The following AGBL4 variants were observed in gnomAD, a reference collection of about 807,000 sequenced individuals.
The protein encoded by AGBL4 is AGBL carboxypeptidase 4.
AGBL4 carries 58 observed loss-of-function variants against 66.4 expected under a neutral mutation model. The observed-to-expected ratio is 0.87, with a 90% confidence interval of 0.71 to 1.09. AGBL4 has a LOEUF of 1.09. AGBL4 is among the 50% of genes least tolerant of loss of function. The pLI is 0.00. For missense variants in AGBL4, 579 were observed against 631.0 expected, an observed-to-expected ratio of 0.92 and a Z score of 0.88; for synonymous variants, 234 against 222.9, an observed-to-expected ratio of 1.05 and a Z score of -0.44.
intron 3 of AGBL4, among the ~76,000 whole-genome samples, chr1:49,402,471 GT>G (rs1309860962): frequency 6.6e-6 from 1 of 151,690 alleles, no homozygotes; most frequent in Non-Finnish European, 1.5e-5. Context: ...ATTTCAATGT[GT>G]TTGTGTATTT....
intron 2 of AGBL4, among the ~76,000 whole-genome samples, chr1:49,749,147 C>A (rs777538383): frequency 6.6e-6 from 1 of 152,052 alleles, no homozygotes; most frequent in Non-Finnish European, 1.5e-5. Flanking sequence ...TTAGGTCTTA[C>A]GTTTAAGTCT....
chr1:49,215,854 C>A (rs901001726), intron 4 of AGBL4, among the ~76,000 whole-genome samples: 1 of 152,060 alleles, frequency 6.6e-6, no homozygotes, highest in Admixed American at 6.6e-5. Context: ...TCCTCCCATT[C>A]CAGAAGTGTT....
intron 3 of AGBL4, among the ~76,000 whole-genome samples, chr1:49,266,857 T>C (rs1005279873): frequency 8.5e-5 from 13 of 152,196 alleles, no homozygotes; most frequent in Non-Finnish European, 1.8e-4. Context: ...GAAAGCAATA[T>C]GAAGGGCCTA....
intron 3 of AGBL4, among the ~76,000 whole-genome samples, chr1:49,640,440 A>T (rs1046487677): frequency 1.5e-4 from 23 of 152,164 alleles, no homozygotes; most frequent in African/African-American, 4.8e-4. Context: ...AGGGTGTGAG[A>T]TCTTCAGATC....
At chr1:49,539,316 T>C (rs1651833010) in intron 3 of AGBL4, among the ~76,000 whole-genome samples, 1 of 152,224 alleles carries the variant, frequency 6.6e-6, no homozygotes, top group East Asian at 1.9e-4. Context: ...GTATTTCTGA[T>C]TTTTTCTACA....
In AGBL4 at chr1:49,199,481, C is replaced by T. The variant is rs577263286; in HGVS notation, c.377+46289G>A. On this transcript the variant is annotated intron_variant, in intron 4 of 13. Coordinates refer to ENST00000371839, the MANE Select transcript of AGBL4 (RefSeq NM_032785.4). ...TGGCTGTCCTCTTAAACAGAAAAAC[C>T]GTGTACGGCATCTGTATGTGCCTTT... 2.0e-5 allele frequency among the ~76,000 whole-genome samples: 3 copies of T among 152,226 alleles called. No individual in the cohort carries two copies. The East Asian group carries it at 5.8e-4, about 29-fold the overall frequency.
chr1:48,812,473 T>C (rs1346357850), intron 6 of AGBL4, among the ~76,000 whole-genome samples: 1 of 152,178 alleles, frequency 6.6e-6, no homozygotes, highest in Non-Finnish European at 1.5e-5. Flanking sequence ...TCTTAATTTA[T>C]TTATTCATCA....
intron 10 of AGBL4, among the ~76,000 whole-genome samples, chr1:48,587,584 G>A (rs1419762165): frequency 5.3e-5 from 8 of 151,710 alleles, no homozygotes; most frequent in Admixed American, 4.6e-4. Context: ...GCAACATAGT[G>A]AGACCATGTC....
At chr1:49,894,484 G>C (rs903189088) in intron 1 of AGBL4, among the ~76,000 whole-genome samples, 3 of 152,124 alleles carry the variant, frequency 2.0e-5, no homozygotes, top group African/African-American at 7.2e-5. Flanking sequence ...GAAAATAGCT[G>C]TTTTAAGGAA....
intron 3 of AGBL4, among the ~76,000 whole-genome samples, chr1:49,492,167 G>C (rs1273533497): frequency 6.6e-6 from 1 of 151,774 alleles, no homozygotes; most frequent in African/African-American, 2.4e-5. Flanking sequence ...GGCTATTATT[G>C]ACCTTCTGAT....
At chr1:49,820,816 G>A (rs766324492) in intron 2 of AGBL4, among the ~76,000 whole-genome samples, 7 of 152,184 alleles carry the variant, frequency 4.6e-5, no homozygotes, top group South Asian at 2.1e-4. Flanking sequence ...TTTGAGGTCC[G>A]GTAGGCCTGG....
At chr1:49,940,980 C>T (rs1297395363) in intron 1 of AGBL4, among the ~76,000 whole-genome samples, 1 of 151,726 alleles carries the variant, frequency 6.6e-6, no homozygotes, top group East Asian at 1.9e-4. Flanking sequence ...AATGAAAGAG[C>T]AGACATTACA....
intron 5 of AGBL4, among the ~76,000 whole-genome samples, chr1:48,949,238 G>A (rs1260935505): frequency 3.3e-5 from 5 of 152,196 alleles, no homozygotes; most frequent in African/African-American, 1.2e-4. Context: ...CCTCTGCATA[G>A]GTAGAGGGGT....
chr1:49,138,096 C>T lies in AGBL4; in HGVS notation c.378-92296G>A, dbSNP rs186586762. Among the ~76,000 whole-genome samples the T allele has an allele frequency of 1.5e-4, 23 of 152,180 alleles. No homozygotes were observed. The East Asian group carries it at 3.9e-3, about 26-fold the overall frequency. On this transcript the variant is annotated intron_variant, in intron 4 of 13. Coordinates refer to ENST00000371839, the MANE Select transcript of AGBL4 (RefSeq NM_032785.4). ...CTGGGAAACAATCAAGTAGTTTGAG[C>T]TTAGCTTATATGGGAGAGTATGGGA...
intron 4 of AGBL4, among the ~76,000 whole-genome samples, chr1:49,075,160 T>A (rs1051449879): frequency 6.6e-6 from 1 of 152,192 alleles, no homozygotes; most frequent in Non-Finnish European, 1.5e-5. Flanking sequence ...TGTCTGTAGT[T>A]CTTCTAGGTC....
intron 6 of AGBL4, among the ~76,000 whole-genome samples, chr1:48,823,322 A>C (rs1247207877): frequency 6.6e-6 from 1 of 152,172 alleles, no homozygotes; most frequent in Non-Finnish European, 1.5e-5. Flanking sequence ...CCAAATAATT[A>C]ACCAACATCC....
At chr1:48,932,912 A>C (rs565834693) in intron 5 of AGBL4, among the ~76,000 whole-genome samples, 25 of 151,300 alleles carry the variant, frequency 1.7e-4, no homozygotes, top group Admixed American at 9.9e-4. Context: ...AACAGGTAAA[A>C]ACACACACAC....
At chr1:49,161,172 G>A (rs900795939) in intron 4 of AGBL4, among the ~76,000 whole-genome samples, 11 of 152,268 alleles carry the variant, frequency 7.2e-5, no homozygotes, top group Admixed American at 6.5e-4. Flanking sequence ...AAACCAGGGC[G>A]CCTACTCTGT....
chr1:48,611,351 C>T (rs1001987669), intron 9 of AGBL4, among the ~76,000 whole-genome samples: 1 of 152,246 alleles, frequency 6.6e-6, no homozygotes, highest in African/African-American at 2.4e-5. Context: ...CGGGGAGGGT[C>T]ATGGCCTGAG....
Sources: allele counts gnomAD v4.1 joint callset (sites outside exome capture counted in the v4.1 genomes callset), GRCh38; gene constraint gnomAD v4.1.1; transcripts MANE v1.5; gene names NCBI Gene and HGNC (gene_info 2026-07-23, HGNC 2026-07-21).